The following AQP9 variants were observed in gnomAD, a reference collection of about 807,000 sequenced individuals.
AQP9 encodes aquaporin 9, also known as aquaporin-9.
A neutral mutation model predicts 23.8 loss-of-function variants in AQP9; 19 were observed. That is an observed-to-expected ratio of 0.80 (90% CI 0.56 to 1.17). The LOEUF is 1.17. AQP9 is among the 50% of genes most tolerant of loss of function. The pLI is 0.00. For missense variants in AQP9, 413 were observed against 362.0 expected, an observed-to-expected ratio of 1.14 and a Z score of -1.14; for synonymous variants, 153 against 131.5, an observed-to-expected ratio of 1.16 and a Z score of -1.12.
chr15:58,175,588 T>C (rs557840685), intron 4 of AQP9, among the ~76,000 whole-genome samples: 14 of 152,336 alleles, frequency 9.2e-5, no homozygotes, highest in African/African-American at 3.4e-4. Context: ...TTTGGTCAGC[T>C]TATGGCAGGA....
chr15:58,161,180 G>A (rs913054048), intron 1 of AQP9, among the ~76,000 whole-genome samples: 1 of 152,126 alleles, frequency 6.6e-6, no homozygotes, highest in African/African-American at 2.4e-5. Flanking sequence ...TGAAGGCTCT[G>A]CAAGATATGG....
intron 1 of AQP9, among the ~76,000 whole-genome samples, chr15:58,144,806 G>C (rs1898012535): frequency 6.6e-6 from 1 of 151,764 alleles, no homozygotes; most frequent in Non-Finnish European, 1.5e-5. Flanking sequence ...AAGAGGTCAG[G>C]AGTTCCAGAC....
intron 5 of AQP9, among the ~76,000 whole-genome samples, chr15:58,182,494 T>G (rs896189155): frequency 6.6e-6 from 1 of 152,200 alleles, no homozygotes; most frequent in African/African-American, 2.4e-5. Context: ...ATCTTGGACC[T>G]TCATCTGCTA....
chr15:58,146,809 GC>G (rs1278221654), intron 1 of AQP9: 3 of 152,198 alleles, frequency 2.0e-5, no homozygotes, highest in Non-Finnish European at 2.9e-5. Flanking sequence ...GAAAAGAGAA[GC>G]CTGGGGGATG....
intron 1 of AQP9, chr15:58,154,262 A>G (rs548657994): frequency 8.2e-4 from 125 of 152,266 alleles, no homozygotes; most frequent in African/African-American, 2.8e-3. Context: ...TTTGATTAGG[A>G]AAGTCCATAC....
intron 2 of AQP9, 24 bp from the exon 3 acceptor site, chr15:58,173,044 C>G: frequency 1.2e-6 from 2 of 1,613,512 alleles, no homozygotes; most frequent in African/African-American, 2.7e-5. Context: ...CCTGCCCTCT[C>G]ACTTCTCCAA....
rs1206054779 is a variant in AQP9 at position 58,185,264 on chromosome 15, T to G, written c.*1129T>G. ...AGAGCACACTGAAAGTTGAATGTTATCTAATGCATTCCTCTACCTTTCAGA... is the reference window on the plus strand; with the variant it reads ...AGAGCACACTGAAAGTTGAATGTTAGCTAATGCATTCCTCTACCTTTCAGA... On this transcript the variant is annotated 3_prime_UTR_variant, in exon 6 of 6. Transcript: ENST00000219919. 6.5e-6 allele frequency: 1 copy of G among 152,682 alleles called. No individual in the cohort carries two copies. Among genetic ancestry groups the G allele is most frequent in the African/African-American group, 2.4e-5 (1 of 41,466 alleles). 9.5% of individuals were successfully genotyped at this position (152,682 alleles called of 1,614,324 possible).
At chr15:58,179,032 A>G in intron 4 of AQP9, 96 bp from the exon 5 acceptor site, 1 of 822,166 alleles carries the variant, frequency 1.2e-6, no homozygotes, top group Non-Finnish European at 1.9e-6. Flanking sequence ...AAATAGTAAT[A>G]TTGTAATATT....
At position 58,185,602 on chromosome 15, in the gene AQP9, C is replaced by T. The variant is rs1185001136; in HGVS notation, c.*1467C>T. On this transcript the variant is annotated 3_prime_UTR_variant, in exon 6 of 6. Transcript: ENST00000219919. Reference sequence around the variant, plus strand: ...ATTACATTCAGGGGATTTCCTCTGGCTCAGTCTTTTCCCCTTGAAGTTCTC... The same window carrying T: ...ATTACATTCAGGGGATTTCCTCTGGTTCAGTCTTTTCCCCTTGAAGTTCTC... The T allele has an allele frequency of 6.6e-6, 1 of 152,194 alleles. No homozygotes were observed. The highest frequency in any genetic ancestry group is 2.4e-5 in the African/African-American group (1 of 41,448). 9.4% of individuals were successfully genotyped at this position (152,194 alleles called of 1,614,324 possible).
chr15:58,164,449 C>T (rs1272095571), intron 1 of AQP9, among the ~76,000 whole-genome samples: 1 of 152,090 alleles, frequency 6.6e-6, no homozygotes, highest in Non-Finnish European at 1.5e-5. Flanking sequence ...AAGTTGTGCC[C>T]AGAGCATTTA....
intron 1 of AQP9, among the ~76,000 whole-genome samples, chr15:58,144,430 G>A (rs187447526): frequency 1.3e-3 from 192 of 152,178 alleles, no homozygotes; most frequent in Admixed American, 8.8e-3. Flanking sequence ...CTGTTCACAC[G>A]CATATGTGGT....
chr15:58,146,092 G>T (rs1322703979), intron 1 of AQP9, among the ~76,000 whole-genome samples: 1 of 152,032 alleles, frequency 6.6e-6, no homozygotes, highest in Non-Finnish European at 1.5e-5. Flanking sequence ...GTGCCTAGAG[G>T]TGAATTTATT....
At position 58,166,518 on chromosome 15, in the gene AQP9, A is replaced by G. The variant is rs184934061; in HGVS notation, c.112-155A>G. 9 of 931,142 alleles carry G rather than the reference A, an allele frequency of 9.7e-6. No homozygotes were observed. The South Asian group carries it at 2.0e-4, about 21-fold the overall frequency. 57.7% of individuals were successfully genotyped at this position (931,142 alleles called of 1,614,324 possible). ...GCAGCCTTGGGTCCACCATTTTGCT[A>G]TCTGTGTATAGCTGAATCATTATAA... On this transcript the variant is annotated intron_variant, in intron 1 of 5. Coordinates refer to ENST00000219919, the MANE Select transcript of AQP9 (RefSeq NM_020980.5).
rs1233010474 is a variant in AQP9 at position 58,173,300 on chromosome 15, C to T, written c.376+95C>T. 4.6e-5 allele frequency: 70 copies of T among 1,535,698 alleles called. 1 individual carries two copies. The highest frequency in any genetic ancestry group is 4.2e-4 in the South Asian group (36 of 85,360). On this transcript the variant is annotated intron_variant, in intron 3 of 5. Transcript: ENST00000219919. ...AGGCACAGGCGAGAAAAAGCAAGGA[C>T]GGGAAGCATTCTACAAGTGACAGCA... is the stretch of plus-strand genomic sequence containing the variant.
At chr15:58,168,908 G>A (rs1479771268) in intron 2 of AQP9, among the ~76,000 whole-genome samples, 4 of 152,136 alleles carry the variant, frequency 2.6e-5, no homozygotes, top group African/African-American at 7.2e-5. Flanking sequence ...TGGTTTTGGA[G>A]TATTTTGCCT....
In AQP9 at chr15:58,179,132, TG is replaced by T. The variant is rs1418214988; in HGVS notation, c.502del (p.Ala168ProfsTer3). ...SLANAFADQV[V>X]ATMILLIIVF... is the part of the protein sequence containing the mutation. ...GCTCAACTTCTCCCTCTCCAGGTGGTGGCCACCATGATACTCCTCATAATCG... is the reference window on the plus strand; with the variant it reads ...GCTCAACTTCTCCCTCTCCAGGTGGTGCCACCATGATACTCCTCATAATCG... On this transcript the variant is annotated frameshift_variant, in exon 5 of 6. Transcript: ENST00000219919. LOFTEE classifies it high-confidence loss of function. 1.2e-6 allele frequency: 2 copies of T among 1,609,284 alleles called. No homozygotes were observed. Among genetic ancestry groups the T allele is most frequent in the East Asian group, 2.2e-5 (1 of 44,872 alleles).
intron 2 of AQP9, among the ~76,000 whole-genome samples, chr15:58,171,178 C>T (rs1177006514): frequency 6.6e-6 from 1 of 152,010 alleles, no homozygotes. Context: ...ACCTCCGCCT[C>T]CTGGGTTCAA....
At chr15:58,177,246 T>G (rs1595745824) in intron 4 of AQP9, among the ~76,000 whole-genome samples, 1 of 152,196 alleles carries the variant, frequency 6.6e-6, no homozygotes, top group East Asian at 1.9e-4. Context: ...CAATCATTTA[T>G]TTACCCAATA....
chr15:58,179,227 C>T lies in AQP9; in HGVS notation c.595C>T (p.Leu199=), dbSNP rs760827697. The change falls in exon 5 of 6, where the codon CTG becomes TTG. Residue 199 remains leucine (L), a synonymous_variant. Coordinates refer to ENST00000219919, the MANE Select transcript of AQP9 (RefSeq NM_020980.5). The stretch of plus-strand genomic sequence containing the variant: ...CCTAGAGCCCATTGCCATCGGCCTC[C>T]TGATTATTGTCATTGCTTCCTCCCT... ...RGLEPIAIGL[L]IIVIASSLGL... is the part of the protein sequence containing the mutation. The T allele has an allele frequency of 5.8e-5, 94 of 1,614,128 alleles. 1 individual carries two copies. The East Asian group carries it at 2.1e-3, about 35-fold the overall frequency.
Sources: gnomAD v4.1 joint callset for allele counts (sites outside exome capture counted in the v4.1 genomes callset) on GRCh38, gnomAD v4.1.1 for gene constraint, MANE v1.5 for transcripts, NCBI Gene and HGNC (gene_info 2026-07-23, HGNC 2026-07-21) for gene names.